Variants in FLAD1 observed in about 807,000 individuals in gnomAD.
The protein encoded by FLAD1 is bifunctional FAD diphosphatase/FAD synthase.
Under a neutral mutation model 55.0 loss-of-function variants are expected in FLAD1, and 35 were observed. The ratio of observed to expected loss-of-function variants is 0.64; its 90% CI spans 0.49 to 0.84. FLAD1 has a LOEUF of 0.84. Among genes scored for constraint, FLAD1 ranks in the 40% least tolerant of loss-of-function variants. The pLI, the probability that FLAD1 is intolerant of heterozygous loss-of-function variation, is 0.00. For synonymous variants in FLAD1, 267 were observed against 303.0 expected, an observed-to-expected ratio of 0.88 and a Z score of 1.23; for missense variants, 665 against 742.6, an observed-to-expected ratio of 0.90 and a Z score of 1.21.
intron 1 of FLAD1, among the ~76,000 whole-genome samples, chr1:154,984,524 C>T (rs541273022): frequency 2.0e-5 from 3 of 152,006 alleles, no homozygotes; most frequent in African/African-American, 4.8e-5. Context: ...CCAGCCTCAA[C>T]ATGGAGAAAC....
At chr1:154,991,881 G>A (rs762066724) in intron 5 of FLAD1, among the ~76,000 whole-genome samples, 10 of 151,396 alleles carry the variant, frequency 6.6e-5, no homozygotes, top group East Asian at 2.0e-4. Flanking sequence ...GGTGGCACAC[G>A]CCTGTAATCC....
At chr1:154,991,906 G>C (rs1282924884) in intron 5 of FLAD1, among the ~76,000 whole-genome samples, 1 of 151,792 alleles carries the variant, frequency 6.6e-6, no homozygotes, top group Non-Finnish European at 1.5e-5. Flanking sequence ...ACTTTGGGAG[G>C]CCGAGGCAGG....
intron 5 of FLAD1, 95 bp from the exon 6 acceptor site, chr1:154,992,618 G>T (rs768107199): frequency 1.9e-6 from 3 of 1,613,976 alleles, no homozygotes; most frequent in African/African-American, 2.7e-5. Context: ...GGCCAAGGGA[G>T]CAGAAGAGCC....
rs113906979 is a variant in FLAD1, at chr1:154,987,589, G to A, written c.373-516G>A. 1,809 of 166,112 alleles carry A rather than the reference G, an allele frequency of 0.011. 31 individuals carry two copies. The highest frequency in any genetic ancestry group is 0.042 in the African/African-American group (1,752 of 41,700). The allele number at this position is 166,112 out of a possible 1,614,324, so 10.3% of individuals were successfully genotyped here. A position where few individuals can be genotyped will look rare whatever the true frequency, so the allele number is the denominator to read the frequency against. On this transcript the variant is annotated intron_variant, in intron 1 of 6. Coordinates refer to ENST00000292180, the MANE Select transcript of FLAD1 (RefSeq NM_025207.5). ...CTGGGAGCCTGGCCAGGAAGCTGTCGCCATTGTCCAGGTGAAAGGTGCTAA... is the reference window on the plus strand; with the variant it reads ...CTGGGAGCCTGGCCAGGAAGCTGTCACCATTGTCCAGGTGAAAGGTGCTAA...
At position 154,988,174 on chromosome 1, in the gene FLAD1, C is replaced by T. The variant is rs1426328465; in HGVS notation, c.442C>T (p.Arg148Ter). ...TLRSLGVQVC[R>*]VSVVPDEVAT... is the part of the protein sequence containing the mutation. ...GCGCTCCCTAGGGGTCCAGGTTTGC[C>T]GAGTCTCAGTTGTACCTGATGAGGT... Residue 148 changes from arginine to a stop codon, truncating the protein, a stop_gained, in exon 2 of 7, where the codon CGA (arginine) becomes TGA (stop). Transcript: ENST00000292180. LOFTEE classifies it high-confidence loss of function. The T allele has an allele frequency of 3.7e-6, 6 of 1,614,234 alleles. No individual in the cohort carries two copies. The highest frequency in any genetic ancestry group is 1.3e-5 in the African/African-American group (1 of 75,058).
rs113094117 is a variant in FLAD1, at chr1:154,985,238, GT to G, written c.372+1184del. On this transcript the variant is annotated intron_variant, in intron 1 of 6. Coordinates refer to ENST00000292180, the MANE Select transcript of FLAD1 (RefSeq NM_025207.5). ...AATTTGTGTTTTTTTTGTTTTTTTT[GT>G]TTTTTTTTTTTAGATAGTCTCACTC... is the stretch of plus-strand genomic sequence containing the variant. 4.5e-3 allele frequency among the ~76,000 whole-genome samples: 559 copies of G among 125,456 alleles called. 4 individuals are homozygous for G. Among genetic ancestry groups the G allele is most frequent in the Non-Finnish European group, 7.9e-3 (453 of 57,366 alleles). 82.3% of individuals were successfully genotyped at this position (125,456 alleles called of 152,430 possible).
rs1657739173 is a variant in FLAD1 at position 154,988,843 on chromosome 1, G to A, written c.1111G>A (p.Glu371Lys). The stretch of plus-strand genomic sequence containing the variant: ...CAGTGAGGCTGTATACAAACTCGCT[G>A]AATCAGGTAGGGACCTTATGGAGGA... ...QASEAVYKLA[E>K]SGSSLGKKVA... The change falls in exon 2 of 7, where the codon GAA becomes AAA. Residue 371 changes from glutamate to lysine, a missense_variant. Transcript: ENST00000292180. The A allele has an allele frequency of 2.5e-6, 4 of 1,614,052 alleles. No individual in the cohort carries two copies. Among genetic ancestry groups the A allele is most frequent in the African/African-American group, 1.3e-5 (1 of 74,946 alleles).
At chr1:154,984,150 T>C in intron 1 of FLAD1, 84 bp downstream of exon 1, 3 of 1,257,034 alleles carry the variant, frequency 2.4e-6, no homozygotes. Flanking sequence ...TGGAAGGAGG[T>C]GAAACAGGGT....
chr1:154,986,704 C>CTCTTT (rs1657627909), intron 1 of FLAD1, among the ~76,000 whole-genome samples: 2 of 91,702 alleles, frequency 2.2e-5, no homozygotes, highest in African/African-American at 9.9e-5. Context: ...GCCCCCCACC[C>CTCTTT]TTTTTTTTTT....
At chr1:154,987,895 A>G (rs932760531) in intron 1 of FLAD1, 38 of 1,418,090 alleles carry the variant, frequency 2.7e-5, no homozygotes, top group Non-Finnish European at 3.1e-5. Flanking sequence ...CTGAGCCACT[A>G]TACTCCAGCC....
intron 1 of FLAD1, among the ~76,000 whole-genome samples, chr1:154,985,878 A>G (rs1005599159): frequency 2.0e-5 from 3 of 150,226 alleles, no homozygotes; most frequent in Non-Finnish European, 4.4e-5. Flanking sequence ...AGCATGGGCC[A>G]CCACGCCCGG....
At chr1:154,990,090 G>A (rs531377308) in intron 3 of FLAD1, 69 bp from the exon 4 acceptor site, 1 of 1,264,606 alleles carries the variant, frequency 7.9e-7, no homozygotes, top group South Asian at 1.2e-5. Flanking sequence ...AACGAGAACA[G>A]TGAGCTGTTT....
At chr1:154,984,155 C>A in intron 1 of FLAD1, 89 bp downstream of exon 1, 1 of 1,234,482 alleles carries the variant, frequency 8.1e-7, no homozygotes, top group Non-Finnish European at 1.1e-6. Flanking sequence ...GGAGGTGAAA[C>A]AGGGTGGGAG....
intron 3 of FLAD1, among the ~76,000 whole-genome samples, chr1:154,989,921 A>G (rs554895516): frequency 2.9e-4 from 44 of 152,190 alleles, no homozygotes; most frequent in Non-Finnish European, 5.9e-4. Context: ...GGGAGGTCAC[A>G]GTCCTGCTGG....
chr1:154,989,517 C>T, intron 2 of FLAD1, 43 bp from the exon 3 acceptor site: 1 of 1,497,702 alleles, frequency 6.7e-7, no homozygotes, highest in Non-Finnish European at 8.9e-7. Context: ...CTTTGATAGC[C>T]ATATGTGTCC....
chr1:154,989,343 A>G (rs1336284612), intron 2 of FLAD1, among the ~76,000 whole-genome samples: 1 of 152,200 alleles, frequency 6.6e-6, no homozygotes, highest in Non-Finnish European at 1.5e-5. Flanking sequence ...CTACAGAGGA[A>G]TGACACTGAG....
chr1:154,985,981 C>T (rs1369521819), intron 1 of FLAD1, among the ~76,000 whole-genome samples: 1 of 151,702 alleles, frequency 6.6e-6, no homozygotes, highest in Non-Finnish European at 1.5e-5. Flanking sequence ...CCGCTTCAGC[C>T]TCCCAAAGTG....
At position 154,989,666 on chromosome 1, in the gene FLAD1, C is replaced by G. The variant is rs1314219406; in HGVS notation, c.1224C>G (p.Asp408Glu). 6.3e-7 allele frequency: 1 copy of G among 1,588,708 alleles called. No homozygotes were observed. Among genetic ancestry groups the G allele is most frequent in the South Asian group, 1.1e-5 (1 of 87,668 alleles). Reference protein sequence around the residue: ...QLCVGFNGGKDCTALLHLFHA... With the variant: ...QLCVGFNGGKECTALLHLFHA... ...GTGTGGGCTTCAACGGGGGCAAAGACTGCACTGCCCTCCTGCACCTCTTCC... is the reference window on the plus strand; with the variant it reads ...GTGTGGGCTTCAACGGGGGCAAAGAGTGCACTGCCCTCCTGCACCTCTTCC... The change falls in exon 3 of 7, where the codon GAC becomes GAG. Residue 408 changes from aspartate to glutamate, a missense_variant. Physicochemically the swap from Asp to Glu is conservative, Grantham distance 45 (BLOSUM62 2). Coordinates refer to ENST00000292180, the MANE Select transcript of FLAD1 (RefSeq NM_025207.5).
At chr1:154,989,425 G>A in intron 2 of FLAD1, 135 bp from the exon 3 acceptor site, 1 of 897,758 alleles carries the variant, frequency 1.1e-6, no homozygotes, top group Non-Finnish European at 1.6e-6. Context: ...CTAGCGGGCA[G>A]CATGAAGGAG....
Sources: gnomAD v4.1 joint callset for allele counts (sites outside exome capture counted in the v4.1 genomes callset) on GRCh38, gnomAD v4.1.1 for gene constraint, MANE v1.5 for transcripts, NCBI Gene and HGNC (gene_info 2026-07-23, HGNC 2026-07-21) for gene names.